PEMT: variants seen among roughly 807,000 people sequenced by gnomAD.
PEMT encodes the protein phosphatidylethanolamine N-methyltransferase.
Under a neutral mutation model 27.4 loss-of-function variants are expected in PEMT, and 23 were observed. The observed-to-expected ratio is 0.84, with a 90% CI of 0.60 to 1.19. PEMT has a LOEUF of 1.19. Among genes scored for constraint, PEMT ranks in the 50% most tolerant of loss-of-function variants. The probability of loss-of-function intolerance (pLI) is 0.00; values close to 1 mark genes in which losing one functional copy is unlikely to be tolerated. For missense variants in PEMT, 307 were observed against 310.1 expected, an observed-to-expected ratio of 0.99 and a Z score of 0.07; for synonymous variants, 137 against 139.1, an observed-to-expected ratio of 0.98 and a Z score of 0.11.
chr17:17,578,850 A>C (rs1037449220), intron 1 of PEMT: 9 of 152,148 alleles, frequency 5.9e-5, no homozygotes, highest in Admixed American at 1.3e-4. Flanking sequence ...TGGATGCAGC[A>C]AACCACCATG....
rs1906480652 is a variant in PEMT, at chr17:17,512,429, G to C, written c.466+80C>G. ...ACTCCCACCGATGTCACGGATAGCA[G>C]GGCAGCAGCCACCTGGCCCTGCACC... On this transcript the variant is annotated intron_variant, in intron 4 of 6. Transcript: ENST00000255389. This position sits in a 1 kb window ranked among gnomAD's most constrained non-coding sequence, Gnocchi z 6.3. 4 of 1,331,018 alleles carry C rather than the reference G, an allele frequency of 3.0e-6. No individual in the cohort carries two copies. Among genetic ancestry groups the C allele is most frequent in the Non-Finnish European group, 4.0e-6 (4 of 1,010,942 alleles). The allele number at this position is 1,331,018 out of a possible 1,614,324, so 82.5% of individuals were successfully genotyped here.
rs1317732024 is a variant in PEMT, at chr17:17,586,278, AAGAAAGAAAG to A, written c.96+5243_96+5252del. Reference sequence around the variant, plus strand: ...AAAGAAAGAAAGAAAGAAAGAAAGAAAGAAAGAAAGAAAAAAAAAAACGCAGGTGGAAAAT... The same window carrying A: ...AAAGAAAGAAAGAAAGAAAGAAAGAAAAAAAAAAAAACGCAGGTGGAAAAT... On this transcript the variant is annotated intron_variant, in intron 1 of 6. Transcript: ENST00000255389. Among the ~76,000 whole-genome samples, 87 of 109,430 alleles carry A rather than the reference AAGAAAGAAAG, an allele frequency of 8.0e-4. 2 individuals carry two copies. Among genetic ancestry groups the A allele is most frequent in the East Asian group, 6.5e-3 (24 of 3,700 alleles). 71.8% of individuals were successfully genotyped at this position (109,430 alleles called of 152,430 possible).
intron 4 of PEMT, among the ~76,000 whole-genome samples, chr17:17,510,277 C>T (rs747215610): frequency 4.0e-4 from 61 of 152,314 alleles, no homozygotes; most frequent in South Asian, 4.1e-4. Context: ...AGGGAGTGGC[C>T]GGGGTCACAG....
intron 3 of PEMT, among the ~76,000 whole-genome samples, chr17:17,520,502 C>G (rs1907184393): frequency 6.6e-6 from 1 of 152,238 alleles, no homozygotes; most frequent in South Asian, 2.1e-4. Context: ...CCTCCATCTG[C>G]ACAGTCAGAG....
At chr17:17,569,873 G>C (rs1911069805) in intron 2 of PEMT, among the ~76,000 whole-genome samples, 1 of 152,194 alleles carries the variant, frequency 6.6e-6, no homozygotes, top group African/African-American at 2.4e-5. Flanking sequence ...GGCAAGCAGG[G>C]GGGCTCTGGG....
In PEMT at chr17:17,586,288, G is replaced by GAAAGA. The variant is rs1555546133; in HGVS notation, c.96+5242_96+5243insTCTTT. On this transcript the variant is annotated intron_variant, in intron 1 of 6. Coordinates refer to ENST00000255389, the MANE Select transcript of PEMT (RefSeq NM_148172.3). ...AGAAAGAAAGAAAGAAAGAAAGAAA[G>GAAAGA]AAAAAAAAAAACGCAGGTGGAAAAT... Among the ~76,000 whole-genome samples the GAAAGA allele has an allele frequency of 1.6e-3, 116 of 71,994 alleles. 2 individuals carry two copies. Among genetic ancestry groups the GAAAGA allele is most frequent in the East Asian group, 6.2e-3 (16 of 2,568 alleles). 47.2% of individuals were successfully genotyped at this position (71,994 alleles called of 152,430 possible).
intron 2 of PEMT, among the ~76,000 whole-genome samples, chr17:17,563,434 G>A (rs1309431491): frequency 2.0e-5 from 3 of 152,070 alleles, no homozygotes; most frequent in African/African-American, 7.2e-5. Flanking sequence ...CCATCTCTGA[G>A]TTCCACGGAA....
intron 2 of PEMT, among the ~76,000 whole-genome samples, chr17:17,567,373 C>A (rs554740916): frequency 6.6e-6 from 1 of 152,412 alleles, no homozygotes; most frequent in South Asian, 2.1e-4. Flanking sequence ...AGCAGAGGCT[C>A]CCCACCAGGC....
rs1912043843 is a variant in PEMT, at chr17:17,582,744, A to T, written c.97-5717T>A. Among the ~76,000 whole-genome samples the T allele has an allele frequency of 6.6e-6, 1 of 152,162 alleles. No individual in the cohort carries two copies. Among genetic ancestry groups the T allele is most frequent in the Non-Finnish European group, 1.5e-5 (1 of 68,034 alleles). On this transcript the variant is annotated intron_variant, in intron 1 of 6. Transcript: ENST00000255389. This position sits in a 1 kb window ranked among gnomAD's most constrained non-coding sequence, Gnocchi z 4.9. ...TGCCTGGCACAAAGACATAAGGATG[A>T]GTGTGCCAGAGTCTTTTTCCTCTAA...
chr17:17,569,299 T>C (rs4244598), intron 2 of PEMT, among the ~76,000 whole-genome samples: 95,705 of 152,044 alleles, frequency 0.63, 31,124 homozygotes, highest in African/African-American at 0.8. Context: ...GCCTTTCCTC[T>C]CTGGAGCACA....
Position 17,588,023 on chromosome 17 carries a change from G to A in PEMT, c.96+3508C>T, listed in dbSNP as rs373359461. Among the ~76,000 whole-genome samples, 153 of 152,330 alleles carry A rather than the reference G, an allele frequency of 1.0e-3. 1 individual carries two copies. The highest frequency in any genetic ancestry group is 3.5e-3 in the African/African-American group (147 of 41,572). The stretch of plus-strand genomic sequence containing the variant: ...CCAGAGATCACCCCAGGAATCCAGA[G>A]CTAGTTCAACATTCAAAACATCAAT... On this transcript the variant is annotated intron_variant, in intron 1 of 6. Coordinates refer to ENST00000255389, the MANE Select transcript of PEMT (RefSeq NM_148172.3).
chr17:17,554,908 G>A (rs1324715025), intron 2 of PEMT, among the ~76,000 whole-genome samples: 2 of 152,126 alleles, frequency 1.3e-5, no homozygotes, highest in African/African-American at 2.4e-5. Flanking sequence ...GAGCCATCGC[G>A]CCCGGCCAGC....
intron 2 of PEMT, among the ~76,000 whole-genome samples, chr17:17,556,749 A>G (rs888133680): frequency 6.6e-6 from 1 of 152,186 alleles, no homozygotes; most frequent in South Asian, 2.1e-4. Context: ...GAGAGGCCAC[A>G]TGAGCCACTC....
chr17:17,571,975 T>C (rs1911237127), intron 2 of PEMT, among the ~76,000 whole-genome samples: 1 of 152,174 alleles, frequency 6.6e-6, no homozygotes, highest in Admixed American at 6.5e-5. Flanking sequence ...CTTGGGATTA[T>C]AGGCGTGAGC....
chr17:17,580,420 T>G (rs1911903506), intron 1 of PEMT, among the ~76,000 whole-genome samples: 1 of 151,908 alleles, frequency 6.6e-6, no homozygotes, highest in African/African-American at 2.4e-5. Context: ...GAGGTTGCAG[T>G]GAGCCAAGAT....
intron 2 of PEMT, among the ~76,000 whole-genome samples, chr17:17,553,361 T>G (rs1401789231): frequency 6.6e-6 from 1 of 152,154 alleles, no homozygotes; most frequent in Non-Finnish European, 1.5e-5. Context: ...CTTCGGACTT[T>G]CCCTGTCCTC....
chr17:17,522,336 C>G lies in PEMT; in HGVS notation c.264G>C (p.Leu88=). The G allele has an allele frequency of 4.3e-6, 7 of 1,613,866 alleles. No individual in the cohort carries two copies. The highest frequency in any genetic ancestry group is 5.9e-6 in the Non-Finnish European group (7 of 1,179,968). Reference sequence around the variant, plus strand: ...TGGTGACGCTTAGAGAGTAGCAGGCCAGGTAGGGGGATCCGAAGGCCCTGC... The same window carrying G: ...TGGTGACGCTTAGAGAGTAGCAGGCGAGGTAGGGGGATCCGAAGGCCCTGC... The part of the protein sequence containing the change: ...KLSRAFGSPY[L]ACYSLSVTIL... The change falls in exon 3 of 7, where the codon CTG becomes CTC. Residue 88 remains leucine (L), a synonymous_variant. Transcript: ENST00000255389.
chr17:17,565,940 G>A (rs921725516), intron 2 of PEMT, among the ~76,000 whole-genome samples: 2 of 152,178 alleles, frequency 1.3e-5, no homozygotes, highest in Admixed American at 6.5e-5. Flanking sequence ...GGCAGCTCCC[G>A]CAGCTGCTTC....
intron 2 of PEMT, among the ~76,000 whole-genome samples, chr17:17,570,130 A>G (rs950943900): frequency 1.3e-5 from 2 of 152,254 alleles, no homozygotes; most frequent in Non-Finnish European, 2.9e-5. Flanking sequence ...TCTGCCAGGC[A>G]TGGTGCTGGG....
Sources: gnomAD v4.1 joint callset for allele counts (sites outside exome capture counted in the v4.1 genomes callset) on GRCh38, gnomAD v4.1.1 for gene constraint, Gnocchi (gnomAD v3.1) non-coding constraint, MANE v1.5 for transcripts, NCBI Gene and HGNC (gene_info 2026-07-23, HGNC 2026-07-21) for gene names.